Variants in ERCC3 observed in about 807,000 individuals in gnomAD.
The protein encoded by ERCC3 is ERCC excision repair 3, TFIIH core complex helicase subunit.
Under a neutral mutation model 94.2 loss-of-function variants are expected in ERCC3, and 66 were observed. The observed-to-expected ratio is 0.70, with a 90% CI of 0.57 to 0.86. The LOEUF (loss-of-function observed/expected upper bound fraction) is 0.86. Ranked by LOEUF, ERCC3 falls within the 40% of genes least tolerant of loss-of-function variation. ERCC3 has a pLI of 0.00. For missense variants in ERCC3, 829 were observed against 987.1 expected, an observed-to-expected ratio of 0.84 and a Z score of 2.15; for synonymous variants, 349 against 369.1, an observed-to-expected ratio of 0.95 and a Z score of 0.63.
At chr2:127,292,952 C>T (rs528632141) in intron 2 of ERCC3, 106 bp from the exon 3 acceptor site, 3 of 759,866 alleles carry the variant, frequency 3.9e-6, no homozygotes, top group South Asian at 1.4e-5. Context: ...CCCAACACCA[C>T]AGATATTCTT....
rs1466213230 is a variant in ERCC3 at position 127,272,956 on chromosome 2, TA to T, written c.1735del (p.Tyr579IlefsTer32). 2 of 1,600,792 alleles carry T rather than the reference TA, an allele frequency of 1.2e-6. No homozygotes were observed. Among genetic ancestry groups the T allele is most frequent in the African/African-American group, 2.7e-5 (2 of 74,696 alleles). ...CCCCTGAGACGTAGGTCCGTAGATATAGGGTCTAGAGAAGAATGAAGCTGTG... is the reference window on the plus strand; with the variant it reads ...CCCCTGAGACGTAGGTCCGTAGATATGGGTCTAGAGAAGAATGAAGCTGTG... ...KEYAIRLNKP[Y>X]IYGPTSQGER... On this transcript the variant is annotated frameshift_variant, in exon 11 of 15. Coordinates refer to ENST00000285398, the MANE Select transcript of ERCC3 (RefSeq NM_000122.2). LOFTEE classifies it high-confidence loss of function.
chr2:127,259,573 C>A lies in ERCC3; in HGVS notation c.2065-125G>T. 1 of 1,214,978 alleles carries A rather than the reference C, an allele frequency of 8.2e-7. No homozygotes were observed. Among genetic ancestry groups the A allele is most frequent in the Non-Finnish European group, 1.2e-6 (1 of 828,456 alleles). 75.3% of individuals were successfully genotyped at this position (1,214,978 alleles called of 1,614,324 possible). ...CAGGCCCAGCCACCCTGGTGGCCAA[C>A]AATGGAGAGCTCCTCCCTAGCATTC... On this transcript the variant is annotated intron_variant, in intron 13 of 14. Transcript: ENST00000285398. The surrounding 1 kb of genome is among the most constrained non-coding windows in gnomAD (Gnocchi z 4.9).
Position 127,286,735 on chromosome 2 carries a change from A to C in ERCC3, c.1310T>G (p.Leu437Arg). 1 of 1,614,056 alleles carries C rather than the reference A, an allele frequency of 6.2e-7. No individual in the cohort carries two copies. The highest frequency in any genetic ancestry group is 1.1e-5 in the South Asian group (1 of 91,088). ...GGTGTGCACTTCATCCAGGATCATG[A>C]GGCCCCACTCCTGGGTCTTGAGCCA... is the stretch of plus-strand genomic sequence containing the variant. ...MEWLKTQEWG[L>R]MILDEVHTIP... The change falls in exon 8 of 15, where the codon CTC becomes CGC. Residue 437 changes from leucine (L) to arginine (R), a missense_variant. Physicochemically the swap from Leu to Arg is moderately radical, Grantham distance 102. Coordinates refer to ENST00000285398, the MANE Select transcript of ERCC3 (RefSeq NM_000122.2).
At chr2:127,269,523 G>T (rs955797622) in intron 12 of ERCC3, among the ~76,000 whole-genome samples, 2 of 147,452 alleles carry the variant, frequency 1.4e-5, no homozygotes, top group African/African-American at 5.0e-5. Context: ...CCGGGTTCAC[G>T]CCATTCTCCT....
intron 5 of ERCC3, 81 bp from the exon 6 acceptor site, chr2:127,289,582 A>G (rs188603354): frequency 1.2e-6 from 2 of 1,601,904 alleles, no homozygotes; most frequent in African/African-American, 1.3e-5. Context: ...TGTAAAGGGT[A>G]GAACCAGCAG....
chr2:127,272,291 C>T (rs766026323), intron 11 of ERCC3, among the ~76,000 whole-genome samples: 53 of 152,156 alleles, frequency 3.5e-4, no homozygotes, highest in Non-Finnish European at 7.5e-4. Context: ...TCCCAAAGTG[C>T]TGGGATTACA....
chr2:127,282,996 C>T (rs1684963469), intron 8 of ERCC3, among the ~76,000 whole-genome samples: 1 of 152,116 alleles, frequency 6.6e-6, no homozygotes, highest in Admixed American at 6.6e-5. Context: ...TCCAACCAAA[C>T]TGCTACAGAA....
At chr2:127,287,688 C>T (rs1363905376) in intron 7 of ERCC3, among the ~76,000 whole-genome samples, 1 of 152,122 alleles carries the variant, frequency 6.6e-6, no homozygotes, top group African/African-American at 2.4e-5. Flanking sequence ...TTACCTTGCC[C>T]ACAGCCACGG....
chr2:127,288,822 A>T lies in ERCC3; in HGVS notation c.865T>A (p.Tyr289Asn), dbSNP rs1380889199. 1 of 1,613,892 alleles carries T rather than the reference A, an allele frequency of 6.2e-7. No homozygotes were observed. The highest frequency in any genetic ancestry group is 2.2e-5 in the East Asian group (1 of 44,890). ...AAGTCATATTCTGCCAACAGAGGGTACTCCAGGTGGATGCAACGTTTCTGG... is the reference window on the plus strand; with the variant it reads ...AAGTCATATTCTGCCAACAGAGGGTTCTCCAGGTGGATGCAACGTTTCTGG... ...ELQKRCIHLE[Y>N]PLLAEYDFRN... is the part of the protein sequence containing the mutation. The change falls in exon 7 of 15, where the codon TAC becomes AAC. Residue 289 changes from tyrosine to asparagine, a missense_variant. Physicochemically the swap from Tyr to Asn is moderately radical, Grantham distance 143. Coordinates refer to ENST00000285398, the MANE Select transcript of ERCC3 (RefSeq NM_000122.2).
At chr2:127,288,955 G>C (rs1685172826) in intron 6 of ERCC3, 91 bp from the exon 7 acceptor site, 1 of 1,082,832 alleles carries the variant, frequency 9.2e-7, no homozygotes, top group Non-Finnish European at 1.4e-6. Context: ...CAAAAAAGTG[G>C]CATTCTATCT....
Position 127,286,700 on chromosome 2 carries a change from T to G in ERCC3, c.1342+3A>C. The G allele has an allele frequency of 1.2e-6, 2 of 1,613,848 alleles. No individual in the cohort carries two copies. Among genetic ancestry groups the G allele is most frequent in the Non-Finnish European group, 1.7e-6 (2 of 1,179,784 alleles). On this transcript the variant is annotated splice_donor_region_variant and intron_variant, in intron 8 of 14. Transcript: ENST00000285398. Reference sequence around the variant, plus strand: ...GTGGACAGCTCAGCTCCAGCCTGCTTACCTGGTATGGTGTGCACTTCATCC... The same window carrying G: ...GTGGACAGCTCAGCTCCAGCCTGCTGACCTGGTATGGTGTGCACTTCATCC...
At chr2:127,282,490 A>G (rs1684946608) in intron 8 of ERCC3, among the ~76,000 whole-genome samples, 1 of 152,262 alleles carries the variant, frequency 6.6e-6, no homozygotes, top group Non-Finnish European at 1.5e-5. Context: ...GTACCATAAT[A>G]TGAATCATTA....
chr2:127,261,453 C>G, intron 12 of ERCC3, 107 bp from the exon 13 acceptor site: 1 of 807,896 alleles, frequency 1.2e-6, no homozygotes, highest in Non-Finnish European at 2.2e-6. Context: ...TGGAAAAGCC[C>G]TGCACTCGGG....
chr2:127,287,840 AGCTTCTG>A (rs1346476201), intron 7 of ERCC3, among the ~76,000 whole-genome samples: 2 of 152,130 alleles, frequency 1.3e-5, no homozygotes, highest in Non-Finnish European at 2.9e-5. Context: ...AAATTCCAGG[AGCTTCTG>A]AGTTTACTAC....
chr2:127,263,914 A>G (rs1684275176), intron 12 of ERCC3, among the ~76,000 whole-genome samples: 1 of 151,956 alleles, frequency 6.6e-6, no homozygotes, highest in Non-Finnish European at 1.5e-5. Context: ...TCACCATGTT[A>G]GCCAGAATGA....
Position 127,271,489 on chromosome 2 carries a change from G to GAAA in ERCC3, c.1828-39_1828-37dup. ...AAGTTGGAAGGTTTTTATATATGAG[G>GAAA]AAAAAAAAAAAGTCAACTGATCCAG... is the stretch of plus-strand genomic sequence containing the variant. On this transcript the variant is annotated intron_variant, in intron 11 of 14. Transcript: ENST00000285398. This position sits in a 1 kb window ranked among gnomAD's most constrained non-coding sequence, Gnocchi z 5.0. 8.6e-7 allele frequency: 1 copy of GAAA among 1,164,308 alleles called. No individual in the cohort carries two copies. Among genetic ancestry groups the GAAA allele is most frequent in the Non-Finnish European group, 1.2e-6 (1 of 809,166 alleles). The allele number at this position is 1,164,308 out of a possible 1,614,324, so 72.1% of individuals were successfully genotyped here.
At chr2:127,293,922 T>C (rs1450494244) in intron 1 of ERCC3, 132 bp downstream of exon 1, 2 of 1,530,024 alleles carry the variant, frequency 1.3e-6, no homozygotes, top group Non-Finnish European at 1.7e-6. Flanking sequence ...CCCAAAGGCC[T>C]GTCCCAACGG....
intron 2 of ERCC3, 112 bp from the exon 3 acceptor site, chr2:127,292,958 T>G (rs1473621662): frequency 1.3e-6 from 1 of 743,460 alleles, no homozygotes; most frequent in Non-Finnish European, 2.4e-6. Flanking sequence ...ACCACAGATA[T>G]TCTTGCAAGC....
chr2:127,279,634 T>C lies in ERCC3; in HGVS notation c.1528-259A>G, dbSNP rs191464848. Among the ~76,000 whole-genome samples the C allele has an allele frequency of 1.1e-4, 16 of 152,178 alleles. No homozygotes were observed. Among genetic ancestry groups the C allele is most frequent in the Admixed American group, 2.6e-4 (4 of 15,292 alleles). ...AAAATTAGCTGGGTGTGGTAGTGCA[T>C]GTCTGTAATTCCAGCTACGCAGGAG... On this transcript the variant is annotated intron_variant, in intron 9 of 14. Coordinates refer to ENST00000285398, the MANE Select transcript of ERCC3 (RefSeq NM_000122.2). The surrounding 1 kb of genome is among the most constrained non-coding windows in gnomAD (Gnocchi z 4.7).
Sources: allele counts gnomAD v4.1 joint callset (sites outside exome capture counted in the v4.1 genomes callset), GRCh38; gene constraint gnomAD v4.1.1; non-coding constraint Gnocchi (gnomAD v3.1); transcripts MANE v1.5; gene names NCBI Gene and HGNC (gene_info 2026-07-23, HGNC 2026-07-21).